Variants in KCNH7 observed in about 807,000 individuals in gnomAD.
The protein encoded by KCNH7 is potassium voltage-gated channel subfamily H member 7.
KCNH7 carries 49 observed loss-of-function variants against 120.8 expected under a neutral mutation model. The observed-to-expected ratio is 0.41, with a 90% confidence interval of 0.32 to 0.51. KCNH7 has a LOEUF of 0.51. Ranked by LOEUF, KCNH7 falls within the 20% of genes least tolerant of loss-of-function variation. The probability of loss-of-function intolerance (pLI) is 0.38; values close to 1 mark genes in which losing one functional copy is unlikely to be tolerated. For synonymous variants in KCNH7, 547 were observed against 516.1 expected, an observed-to-expected ratio of 1.06 and a Z score of -0.81; for missense variants, 1,097 against 1,446.6, an observed-to-expected ratio of 0.76 and a Z score of 3.92.
chr2:162,512,715 A>G (rs1195658766), intron 4 of KCNH7, 41 bp from the exon 5 acceptor site: 2 of 1,509,746 alleles, frequency 1.3e-6, no homozygotes, highest in East Asian at 2.3e-5. Flanking sequence ...GAAATATAAA[A>G]AGAAGACTAA....
intron 13 of KCNH7, among the ~76,000 whole-genome samples, chr2:162,382,024 G>A (rs564251899): frequency 9.2e-5 from 14 of 151,994 alleles, no homozygotes; most frequent in Non-Finnish European, 1.3e-4. Flanking sequence ...TCTTTCTTTC[G>A]AGAAGGCAAG....
At chr2:162,473,248 A>G (rs1689626198) in intron 6 of KCNH7, among the ~76,000 whole-genome samples, 1 of 152,048 alleles carries the variant, frequency 6.6e-6, no homozygotes, top group African/African-American at 2.4e-5. Flanking sequence ...TAAAAAATAA[A>G]AAATACTAGA....
intron 2 of KCNH7, among the ~76,000 whole-genome samples, chr2:162,613,183 G>C (rs929017334): frequency 1.3e-5 from 2 of 151,870 alleles, no homozygotes; most frequent in African/African-American, 4.8e-5. Context: ...ATATCATACT[G>C]AGACTGCAGA....
chr2:162,497,581 A>C (rs1296197667), intron 6 of KCNH7, among the ~76,000 whole-genome samples: 3 of 152,150 alleles, frequency 2.0e-5, no homozygotes, highest in African/African-American at 7.2e-5. Flanking sequence ...ACAAATGGGG[A>C]AACAGAACAG....
At chr2:162,427,903 T>C (rs1240051131) in intron 8 of KCNH7, among the ~76,000 whole-genome samples, 3 of 151,900 alleles carry the variant, frequency 2.0e-5, no homozygotes, top group Non-Finnish European at 4.4e-5. Context: ...CAGTAACTTA[T>C]GTTCTCTCTT....
chr2:162,470,380 G>C (rs1689470773), intron 6 of KCNH7, among the ~76,000 whole-genome samples: 1 of 150,402 alleles, frequency 6.6e-6, no homozygotes, highest in Admixed American at 6.6e-5. Context: ...GAGGTGAGGA[G>C]CGTCTCTGCC....
At chr2:162,837,248 G>A (rs1257725504) in intron 1 of KCNH7, among the ~76,000 whole-genome samples, 3 of 152,008 alleles carry the variant, frequency 2.0e-5, no homozygotes, top group African/African-American at 7.3e-5. Flanking sequence ...TCTCTCTTAG[G>A]CATGTTACAC....
chr2:162,815,437 TTC>T (rs1347389971), intron 2 of KCNH7, among the ~76,000 whole-genome samples: 12 of 152,186 alleles, frequency 7.9e-5, no homozygotes, highest in Admixed American at 2.6e-4. Context: ...TGAGTAAACA[TTC>T]TGTCATTATA....
At chr2:162,568,199 C>A (rs910169517) in intron 2 of KCNH7, among the ~76,000 whole-genome samples, 1 of 151,956 alleles carries the variant, frequency 6.6e-6, no homozygotes, top group African/African-American at 2.4e-5. Context: ...ATCACGAGAA[C>A]AACATGGGGG....
intron 2 of KCNH7, among the ~76,000 whole-genome samples, chr2:162,618,878 A>G (rs1683239939): frequency 6.6e-6 from 1 of 152,164 alleles, no homozygotes; most frequent in South Asian, 2.1e-4. Flanking sequence ...TAGATTAGGA[A>G]ACATTAGACT....
At chr2:162,772,763 C>T (rs897165746) in intron 2 of KCNH7, among the ~76,000 whole-genome samples, 10 of 152,206 alleles carry the variant, frequency 6.6e-5, no homozygotes, top group Admixed American at 4.6e-4. Flanking sequence ...CTCTTTCTTT[C>T]TCCCACTTCA....
chr2:162,757,545 C>T (rs1218856182), intron 2 of KCNH7, among the ~76,000 whole-genome samples: 1 of 151,924 alleles, frequency 6.6e-6, no homozygotes, highest in African/African-American at 2.4e-5. Context: ...CCTGTAATCC[C>T]CACAAAAAAA....
intron 7 of KCNH7, among the ~76,000 whole-genome samples, chr2:162,438,101 A>G (rs548051203): frequency 1.3e-5 from 2 of 152,306 alleles, no homozygotes; most frequent in South Asian, 2.1e-4. Flanking sequence ...TTTCTTTCTG[A>G]TCCTCAAAAT....
intron 2 of KCNH7, among the ~76,000 whole-genome samples, chr2:162,820,474 C>A (rs1363735552): frequency 6.6e-6 from 1 of 151,890 alleles, no homozygotes; most frequent in Non-Finnish European, 1.5e-5. Context: ...ATTCCTTATA[C>A]CTCCATTGAC....
intron 6 of KCNH7, among the ~76,000 whole-genome samples, chr2:162,484,713 T>G (rs1447527329): frequency 6.6e-6 from 1 of 152,172 alleles, no homozygotes; most frequent in Non-Finnish European, 1.5e-5. Flanking sequence ...AGATCCCTCA[T>G]GAATGGCCTG....
At chr2:162,373,814 C>T (rs193056724) in intron 14 of KCNH7, 152 bp from the exon 15 acceptor site, 70 of 449,500 alleles carry the variant, frequency 1.6e-4, no homozygotes, top group East Asian at 7.7e-4. Flanking sequence ...TCTTTCCTGA[C>T]GGATACTTAC....
At chr2:162,752,978 GAAAAGAAAAGA>G (rs1688642214) in intron 2 of KCNH7, among the ~76,000 whole-genome samples, 23 of 114,534 alleles carry the variant, frequency 2.0e-4, no homozygotes, top group African/African-American at 1.3e-3. Flanking sequence ...GAAAAGAAAA[GAAAAGAAAAGA>G]AAAGAAAAGA....
chr2:162,481,789 T>A (rs1689936438), intron 6 of KCNH7, among the ~76,000 whole-genome samples: 1 of 152,206 alleles, frequency 6.6e-6, no homozygotes, highest in Non-Finnish European at 1.5e-5. Context: ...ACTGCATGCA[T>A]TAAATAAAAT....
At chr2:162,459,330 A>G (rs1178353676) in intron 6 of KCNH7, among the ~76,000 whole-genome samples, 1 of 152,130 alleles carries the variant, frequency 6.6e-6, no homozygotes. Context: ...ATGCAAATAA[A>G]AGTATAGGAA....
Sources: allele counts gnomAD v4.1 joint callset (sites outside exome capture counted in the v4.1 genomes callset), GRCh38; gene constraint gnomAD v4.1.1; transcripts MANE v1.5; gene names NCBI Gene and HGNC (gene_info 2026-07-23, HGNC 2026-07-21).